Variants in HACL1 observed in about 807,000 individuals in gnomAD.
The protein encoded by HACL1 is 2-hydroxyacyl-CoA lyase 1, also known as 1600020H07Rik.
HACL1 carries 64 observed loss-of-function variants against 74.2 expected under a neutral mutation model. The observed-to-expected ratio is 0.86, with a 90% CI of 0.70 to 1.06. The LOEUF (loss-of-function observed/expected upper bound fraction) is 1.06. Among genes scored for constraint, HACL1 ranks in the 50% least tolerant of loss-of-function variants. The pLI, the probability that HACL1 is intolerant of heterozygous loss-of-function variation, is 0.00. For synonymous variants in HACL1, 230 were observed against 238.8 expected (o/e 0.96, Z 0.34); for missense variants, 728 against 719.7 (o/e 1.01, Z -0.13).
chr3:15,582,817 T>C (rs2063735024), intron 8 of HACL1, 60 bp downstream of exon 8: 4 of 792,136 alleles, frequency 5.0e-6, no homozygotes, highest in Admixed American at 4.3e-5. Flanking sequence ...CAATGAAAGT[T>C]TGTAAAAAGA....
chr3:15,573,544 T>TA (rs1450930890), intron 10 of HACL1, among the ~76,000 whole-genome samples: 3 of 152,234 alleles, frequency 2.0e-5, no homozygotes, highest in African/African-American at 4.8e-5. Flanking sequence ...ATCTAATCAG[T>TA]AAGTTCTATT....
chr3:15,574,355 C>T (rs2063586879), intron 10 of HACL1, among the ~76,000 whole-genome samples: 1 of 152,040 alleles, frequency 6.6e-6, no homozygotes, highest in Non-Finnish European at 1.5e-5. Context: ...GTGACAGAGC[C>T]AAGATGCTGT....
chr3:15,564,442 G>A (rs1004791002), intron 15 of HACL1, 109 bp downstream of exon 15: 11 of 635,706 alleles, frequency 1.7e-5, no homozygotes, highest in East Asian at 1.4e-4. Context: ...CAATCGAAAC[G>A]GACAATACTC....
chr3:15,575,700 CCTGA>C (rs1406471117), intron 9 of HACL1, among the ~76,000 whole-genome samples: 5 of 152,112 alleles, frequency 3.3e-5, no homozygotes, highest in Admixed American at 2.0e-4. Context: ...TGCCACTGCA[CCTGA>C]CTAATTTTTA....
chr3:15,600,401 C>T (rs1392563470), intron 2 of HACL1, among the ~76,000 whole-genome samples: 2 of 152,204 alleles, frequency 1.3e-5, no homozygotes, highest in African/African-American at 4.8e-5. Context: ...CTTTCAAGCC[C>T]GCACTACTGA....
intron 7 of HACL1, among the ~76,000 whole-genome samples, chr3:15,583,946 C>T (rs994533579): frequency 3.3e-5 from 5 of 152,006 alleles, no homozygotes; most frequent in African/African-American, 1.2e-4. Flanking sequence ...TGTAAGCCAC[C>T]GCACCCAGCC....
intron 14 of HACL1, among the ~76,000 whole-genome samples, chr3:15,565,378 C>A (rs1476019758): frequency 6.6e-6 from 1 of 152,122 alleles, no homozygotes; most frequent in Non-Finnish European, 1.5e-5. Context: ...CCACAGACAC[C>A]CAGCTCTTGC....
At chr3:15,568,035 T>C (rs375714611) in intron 13 of HACL1, 33 bp from the exon 14 acceptor site, 15 of 1,605,116 alleles carry the variant, frequency 9.3e-6, no homozygotes, top group Admixed American at 1.7e-5. Flanking sequence ...TGAAACCCTC[T>C]GGGGCATGTC....
At position 15,601,096 on chromosome 3, in the gene HACL1, C is replaced by T; in HGVS notation, c.180G>A (p.Glu60=). The change falls in exon 2 of 17, where the codon GAG becomes GAA. Residue 60 remains glutamate (E), a synonymous_variant. Transcript: ENST00000321169. ...LGIKYIGMRN[E]QAACYAASAI... is the part of the protein sequence containing the mutation. ...CACCTGAGTCCATACTCACCGCTTG[C>T]TCATTCCTCATCCCGATGTACTTGA... 6.2e-7 allele frequency: 1 copy of T among 1,606,580 alleles called. No individual in the cohort carries two copies. The highest frequency in any genetic ancestry group is 8.5e-7 in the Non-Finnish European group (1 of 1,173,056).
chr3:15,591,879 C>CATATACGTATATAGTGTATACACT (rs955908465), intron 3 of HACL1, among the ~76,000 whole-genome samples, 199 bp from the exon 4 acceptor site: 1 of 150,134 alleles, frequency 6.7e-6, no homozygotes, highest in Admixed American at 6.6e-5. Flanking sequence ...TACATACACA[C>CATATACGTATATAGTGTATACACT]ATATACGTAT....
intron 3 of HACL1, chr3:15,596,125 G>C: frequency 5.1e-6 from 2 of 394,542 alleles, no homozygotes; most frequent in East Asian, 4.5e-5. Flanking sequence ...TGAGATCCAA[G>C]ACAAGGTATC....
At chr3:15,562,434 T>C (rs1256534962) in intron 16 of HACL1, among the ~76,000 whole-genome samples, 1 of 152,224 alleles carries the variant, frequency 6.6e-6, no homozygotes, top group Non-Finnish European at 1.5e-5. Context: ...AGAATTTCAA[T>C]AGAATTCTAT....
At chr3:15,562,590 C>G (rs1302432587) in intron 16 of HACL1, among the ~76,000 whole-genome samples, 1 of 152,104 alleles carries the variant, frequency 6.6e-6, no homozygotes, top group African/African-American at 2.4e-5. Flanking sequence ...AAAATATCTG[C>G]TCTGATAAGA....
chr3:15,593,313 A>C (rs957945705), intron 3 of HACL1, among the ~76,000 whole-genome samples: 2 of 151,970 alleles, frequency 1.3e-5, no homozygotes, highest in South Asian at 4.2e-4. Context: ...TCCTAAGCTC[A>C]GGTGATCTTC....
chr3:15,595,319 C>T (rs1185710258), intron 3 of HACL1, among the ~76,000 whole-genome samples: 3 of 151,994 alleles, frequency 2.0e-5, no homozygotes, highest in Non-Finnish European at 4.4e-5. Flanking sequence ...CTATTTTTTT[C>T]AGGTTCAAAT....
At chr3:15,601,019 T>C (rs913519611) in intron 2 of HACL1, 71 bp downstream of exon 2, 4 of 899,978 alleles carry the variant, frequency 4.4e-6, no homozygotes, top group Admixed American at 3.4e-5. Flanking sequence ...ATCTGGGTGT[T>C]TGCAATGCAT....
At chr3:15,596,357 A>C in intron 3 of HACL1, 27 bp downstream of exon 3, 2 of 1,311,852 alleles carry the variant, frequency 1.5e-6, no homozygotes, top group Non-Finnish European at 2.2e-6. Context: ...TATTAAAGTA[A>C]TTGAAGTGAA....
At position 15,601,495 on chromosome 3, in the gene HACL1, G is replaced by A. The variant is rs757902579; in HGVS notation, c.-32C>T. On this transcript the variant is annotated 5_prime_UTR_variant, in exon 1 of 17. Coordinates refer to ENST00000321169, the MANE Select transcript of HACL1 (RefSeq NM_012260.4). ...CCGAAAAGCTCTAAGCACTCACGCAGCCGGCAAACAAGCGGAATCATCCAG... is the reference window on the plus strand; with the variant it reads ...CCGAAAAGCTCTAAGCACTCACGCAACCGGCAAACAAGCGGAATCATCCAG... 32 of 1,610,674 alleles carry A rather than the reference G, an allele frequency of 2.0e-5. No homozygotes were observed. The highest frequency in any genetic ancestry group is 2.5e-5 in the Non-Finnish European group (30 of 1,180,036).
Position 15,571,829 on chromosome 3 carries a change from CTTTTTTTTTTTTTTT to C in HACL1, c.994-75_994-61del, listed in dbSNP as rs869072841. The C allele has an allele frequency of 5.0e-4, 114 of 226,210 alleles. 1 individual carries two copies. The highest frequency in any genetic ancestry group is 2.9e-3 in the African/African-American group (62 of 21,250). The allele number at this position is 226,210 out of a possible 1,614,324, so 14.0% of individuals were successfully genotyped here. A position where few individuals can be genotyped will look rare whatever the true frequency, so the allele number is the denominator to read the frequency against. Reference sequence around the variant, plus strand: ...TAAACTTTTTCTTTGCCTTTTTTTTCTTTTTTTTTTTTTTTTTTTTTTTTTTTTGAGACGAAGTCT... The same window carrying C: ...TAAACTTTTTCTTTGCCTTTTTTTTCTTTTTTTTTTTTTGAGACGAAGTCT... On this transcript the variant is annotated intron_variant, in intron 11 of 16. Coordinates refer to ENST00000321169, the MANE Select transcript of HACL1 (RefSeq NM_012260.4).
Sources: allele counts gnomAD v4.1 joint callset (sites outside exome capture counted in the v4.1 genomes callset), GRCh38; gene constraint gnomAD v4.1.1; transcripts MANE v1.5; gene names NCBI Gene and HGNC (gene_info 2026-07-23, HGNC 2026-07-21).